BICDL1: variants seen among roughly 807,000 people sequenced by gnomAD.
BICDL1 encodes the protein BICD family like cargo adaptor 1, also known as BICD family-like cargo adapter 1.
Under a neutral mutation model 76.8 loss-of-function variants are expected in BICDL1, and 20 were observed. The observed-to-expected ratio is 0.26, with a 90% CI of 0.18 to 0.38. BICDL1 has a LOEUF of 0.38. Ranked by LOEUF, BICDL1 falls within the 10% of genes least tolerant of loss-of-function variation. The pLI is 1.00. For synonymous variants in BICDL1, 383 were observed against 337.1 expected, an observed-to-expected ratio of 1.14 and a Z score of -1.49; for missense variants, 700 against 798.6, an observed-to-expected ratio of 0.88 and a Z score of 1.49.
At chr12:120,057,926 G>A in intron 2 of BICDL1, among the ~76,000 whole-genome samples, 1 of 148,812 alleles carries the variant, frequency 6.7e-6, no homozygotes, top group African/African-American at 2.5e-5. Context: ...CGCCTCCCGG[G>A]CTCATGCCAT....
At chr12:120,092,509 T>A in intron 9 of BICDL1, 3 of 985,362 alleles carry the variant, frequency 3.0e-6, no homozygotes, top group Non-Finnish European at 3.6e-6. Flanking sequence ...CAGGCTGGAA[T>A]AATTGGAAAG....
intron 2 of BICDL1, among the ~76,000 whole-genome samples, chr12:120,028,638 G>T (rs1293449198): frequency 6.6e-6 from 1 of 152,088 alleles, no homozygotes. Flanking sequence ...ATCGCCCACT[G>T]CACACTCCAG....
intron 2 of BICDL1, among the ~76,000 whole-genome samples, chr12:120,008,168 T>C (rs1951885602): frequency 7.1e-6 from 1 of 141,080 alleles, no homozygotes; most frequent in African/African-American, 2.7e-5. Context: ...TTTTTTTTTT[T>C]TTTTTTTTGA....
At chr12:120,036,964 A>G (rs913092035) in intron 2 of BICDL1, among the ~76,000 whole-genome samples, 1 of 152,234 alleles carries the variant, frequency 6.6e-6, no homozygotes, top group East Asian at 1.9e-4. Flanking sequence ...TGATGAAGGA[A>G]TTAAATCAGT....
At chr12:120,063,393 G>A (rs1238803893) in intron 3 of BICDL1, among the ~76,000 whole-genome samples, 1 of 152,144 alleles carries the variant, frequency 6.6e-6, no homozygotes, top group African/African-American at 2.4e-5. Flanking sequence ...CTGGACAAAG[G>A]CCACATACTT....
intron 5 of BICDL1, 31 bp from the exon 6 acceptor site, chr12:120,072,480 C>G (rs752158758): frequency 1.2e-6 from 2 of 1,606,512 alleles, no homozygotes; most frequent in African/African-American, 2.7e-5. Context: ...TCTCTAGAGT[C>G]TGAAATGAAT....
At chr12:120,006,237 T>G (rs1951848598) in intron 2 of BICDL1, among the ~76,000 whole-genome samples, 1 of 152,248 alleles carries the variant, frequency 6.6e-6, no homozygotes, top group Non-Finnish European at 1.5e-5. Flanking sequence ...TTTCTTGACC[T>G]TGGTGGGAAT....
intron 1 of BICDL1, chr12:119,992,490 CCTCCCA>C (rs1951545263): frequency 6.6e-6 from 1 of 152,214 alleles, no homozygotes; most frequent in Non-Finnish European, 1.5e-5. Flanking sequence ...CTCAAGTGAC[CCTCCCA>C]CTCAGCCTCC....
chr12:119,995,441 TG>T (rs1210760972), intron 1 of BICDL1, among the ~76,000 whole-genome samples: 1 of 152,212 alleles, frequency 6.6e-6, no homozygotes, highest in Non-Finnish European at 1.5e-5. Flanking sequence ...TGGATTGGAT[TG>T]TTTCAGTTGC....
intron 8 of BICDL1, among the ~76,000 whole-genome samples, chr12:120,089,271 C>CGTGTGTGTGT (rs138992612): frequency 1.4e-5 from 2 of 146,718 alleles, no homozygotes; most frequent in African/African-American, 2.6e-5. Flanking sequence ...CCTTTTTCAA[C>CGTGTGTGTGT]GTGTGTGTGT....
chr12:120,002,786 A>G (rs917347736), intron 2 of BICDL1, among the ~76,000 whole-genome samples: 1 of 152,222 alleles, frequency 6.6e-6, no homozygotes. Flanking sequence ...CACAAGATAC[A>G]GATTGCAGTA....
intron 2 of BICDL1, among the ~76,000 whole-genome samples, chr12:120,016,606 G>A (rs1952067757): frequency 6.6e-6 from 1 of 151,754 alleles, no homozygotes; most frequent in African/African-American, 2.4e-5. Context: ...ATTTTTTGTA[G>A]AGACAGTTTT....
intron 2 of BICDL1, among the ~76,000 whole-genome samples, chr12:120,016,731 T>C (rs1952070421): frequency 1.3e-5 from 2 of 152,146 alleles, no homozygotes; most frequent in Admixed American, 1.3e-4. Context: ...GTCTGTAACT[T>C]TTTAAGAAAC....
intron 2 of BICDL1, among the ~76,000 whole-genome samples, chr12:119,999,316 A>ACTTCTGACGTTTTTATAG (rs1405990997): frequency 6.6e-6 from 1 of 152,148 alleles, no homozygotes; most frequent in Admixed American, 6.5e-5. Flanking sequence ...GTGCTTAATG[A>ACTTCTGACGTTTTTATAG]CTTCTGACGT....
At position 119,989,917 on chromosome 12, in the gene BICDL1, G is replaced by A; in HGVS notation, c.49G>A (p.Glu17Lys). 6.8e-7 allele frequency: 1 copy of A among 1,460,888 alleles called. No individual in the cohort carries two copies. Among genetic ancestry groups the A allele is most frequent in the Non-Finnish European group, 8.9e-7 (1 of 1,119,098 alleles). The allele number at this position is 1,460,888 out of a possible 1,614,324, so 90.5% of individuals were successfully genotyped here. ...GLVGRASAPA[E>K]PDSACCMELP... is the part of the protein sequence containing the mutation. ...GGTCGGCCGCGCTTCAGCACCCGCC[G>A]AGCCGGACAGCGCCTGCTGCATGGA... The change falls in exon 1 of 10, where the codon GAG (glutamate) becomes AAG (lysine). Residue 17 changes from glutamate (E) to lysine (K), a missense_variant. Coordinates refer to ENST00000548673, the MANE Select transcript of BICDL1 (RefSeq NM_001367886.1).
rs147616562 is a variant in BICDL1 at position 120,071,897 on chromosome 12, G to A, written c.1089+96G>A. 1.3e-4 allele frequency: 179 copies of A among 1,425,782 alleles called. No homozygotes were observed. The African/African-American group carries it at 2.5e-3, about 20-fold the overall frequency. The allele number at this position is 1,425,782 out of a possible 1,614,324, so 88.3% of individuals were successfully genotyped here. A position where few individuals can be genotyped will look rare whatever the true frequency, so the allele number is the denominator to read the frequency against. ...GCTCAGCTGCCATCCTGGCAAGGCT[G>A]TGCCCCTGTGCCTGTGTCAGCCCCT... On this transcript the variant is annotated intron_variant, in intron 5 of 9. Transcript: ENST00000548673. This position sits in a 1 kb window ranked among gnomAD's most constrained non-coding sequence, Gnocchi z 4.8.
intron 4 of BICDL1, among the ~76,000 whole-genome samples, chr12:120,068,115 C>T (rs1303906316): frequency 6.6e-6 from 1 of 152,316 alleles, no homozygotes; most frequent in African/African-American, 2.4e-5. Flanking sequence ...CAGCTTTCTC[C>T]CTTCATGAGA....
intron 2 of BICDL1, 93 bp downstream of exon 2, chr12:119,998,829 GAGGCCAAGGTGGGAGAAGCACTTC>G: frequency 3.2e-6 from 4 of 1,269,120 alleles, no homozygotes; most frequent in Non-Finnish European, 4.4e-6. Context: ...AGCATTTCGG[GAGGCCAAGGTGGGAGAAGCACTTC>G]AGACCAATCT....
chr12:120,058,817 C>CT (rs1362503831), intron 2 of BICDL1, among the ~76,000 whole-genome samples: 1 of 151,970 alleles, frequency 6.6e-6, no homozygotes, highest in African/African-American at 2.4e-5. Flanking sequence ...TCTCAAACTC[C>CT]TTACCTCAGG....
Sources: allele counts gnomAD v4.1 joint callset (sites outside exome capture counted in the v4.1 genomes callset), GRCh38; gene constraint gnomAD v4.1.1; non-coding constraint Gnocchi (gnomAD v3.1); transcripts MANE v1.5; gene names NCBI Gene and HGNC (gene_info 2026-07-23, HGNC 2026-07-21).